The following SYCP2 variants were observed in gnomAD, a reference collection of about 807,000 sequenced individuals.
The protein encoded by SYCP2 is synaptonemal complex protein 2, also known as synaptonemal complex lateral element protein.
SYCP2 carries 55 observed loss-of-function variants against 211.3 expected under a neutral mutation model. That is an observed-to-expected ratio of 0.26 (90% CI 0.21 to 0.33). SYCP2 has a LOEUF of 0.33. SYCP2 is among the 10% of genes least tolerant of loss of function. The probability of loss-of-function intolerance (pLI) is 1.00; values close to 1 mark genes in which losing one functional copy is unlikely to be tolerated. For synonymous variants in SYCP2, 570 were observed against 555.2 expected (o/e 1.03, Z -0.37); for missense variants, 1,731 against 1,752.0 (o/e 0.99, Z 0.21).
At chr20:59,873,724 T>TCC (rs2059498511) in intron 35 of SYCP2, 132 bp downstream of exon 35, 3 of 648,338 alleles carry the variant, frequency 4.6e-6, no homozygotes, top group East Asian at 5.7e-5. Context: ...TATGTCCCTC[T>TCC]CCCCCAAGAC....
chr20:59,878,139 T>C (rs990529112), intron 31 of SYCP2, 94 bp from the exon 32 acceptor site: 148 of 894,614 alleles, frequency 1.7e-4, no homozygotes, highest in Middle Eastern at 6.5e-4. Flanking sequence ...TAAATTAAAA[T>C]AATAAAAAGT....
intron 25 of SYCP2, among the ~76,000 whole-genome samples, chr20:59,886,451 T>A (rs553796352): frequency 6.6e-6 from 1 of 152,162 alleles, no homozygotes; most frequent in South Asian, 2.1e-4. Context: ...TAAAGATTTT[T>A]AAAATGGTAT....
intron 2 of SYCP2, among the ~76,000 whole-genome samples, chr20:59,931,119 C>T (rs2060731621): frequency 6.6e-6 from 1 of 152,178 alleles, no homozygotes; most frequent in African/African-American, 2.4e-5. Context: ...AGGATTCAGT[C>T]ATAAAAATAA....
chr20:59,913,442 A>G (rs1363428393), intron 12 of SYCP2, among the ~76,000 whole-genome samples: 3 of 152,186 alleles, frequency 2.0e-5, no homozygotes, highest in African/African-American at 7.2e-5. Context: ...GGTGCTAGGC[A>G]TTGCAAATTC....
chr20:59,892,741 A>G, intron 22 of SYCP2, 40 bp from the exon 23 acceptor site: 1 of 1,572,296 alleles, frequency 6.4e-7, no homozygotes, highest in Non-Finnish European at 8.6e-7. Context: ...ACAAAACATT[A>G]GCCTGTGACT....
intron 20 of SYCP2, among the ~76,000 whole-genome samples, chr20:59,894,330 T>TA (rs1224362977): frequency 6.6e-6 from 1 of 152,004 alleles, no homozygotes; most frequent in Admixed American, 6.6e-5. Context: ...AGCACAATCC[T>TA]AGCTAGGATG....
chr20:59,922,423 AT>A lies in SYCP2; in HGVS notation c.-11del, dbSNP rs1235246636. Reference sequence around the variant, plus strand: ...CTGGTCTTATTGGCATTTTGACTTCATTTAAAAAAAAAAAAAAAGCAAGACA... The same window carrying A: ...CTGGTCTTATTGGCATTTTGACTTCATTAAAAAAAAAAAAAAAGCAAGACA... On this transcript the variant is annotated 5_prime_UTR_variant, in exon 3 of 45. The change creates a new upstream start codon in the 5' untranslated region. Coordinates refer to ENST00000357552, the MANE Select transcript of SYCP2 (RefSeq NM_014258.4). 10 of 1,544,674 alleles carry A rather than the reference AT, an allele frequency of 6.5e-6. No individual in the cohort carries two copies. The highest frequency in any genetic ancestry group is 4.6e-5 in the East Asian group (2 of 43,912).
chr20:59,930,240 CG>C (rs1343548556), intron 2 of SYCP2, among the ~76,000 whole-genome samples: 1 of 151,994 alleles, frequency 6.6e-6, no homozygotes, highest in East Asian at 1.9e-4. Flanking sequence ...GCTTACTTTA[CG>C]TATGTCCGAA....
Position 59,882,306 on chromosome 20 carries a change from C to G in SYCP2, c.2530-141G>C, listed in dbSNP as rs2059699515. The G allele has an allele frequency of 4.5e-6, 3 of 670,184 alleles. No homozygotes were observed. In the South Asian group the frequency reaches 5.7e-5, roughly 13 times the overall value. 41.5% of individuals were successfully genotyped at this position (670,184 alleles called of 1,614,324 possible). A position where few individuals can be genotyped will look rare whatever the true frequency, so the allele number is the denominator to read the frequency against. On this transcript the variant is annotated intron_variant, in intron 26 of 44. Coordinates refer to ENST00000357552, the MANE Select transcript of SYCP2 (RefSeq NM_014258.4). The stretch of plus-strand genomic sequence containing the variant: ...AAATGGCTTGTACCAAAAAGACAGG[C>G]AATAACAGATGCTAGTGAGGATGTG...
chr20:59,879,822 A>AT (rs2059634197), intron 31 of SYCP2, among the ~76,000 whole-genome samples: 5 of 51,118 alleles, frequency 9.8e-5, no homozygotes, highest in African/African-American at 6.4e-4. Flanking sequence ...AATATAAATA[A>AT]ATATATATAT....
Position 59,885,943 on chromosome 20 carries a change from A to G in SYCP2, c.2514T>C (p.Val838=), listed in dbSNP as rs2059779305. ...LINSGFSNKP[V]VQLSKEKVQK... is the part of the protein sequence containing the mutation. ...TAACACCTACCTTACTGAGTTGTAC[A>G]ACAGGTTTGTTTGAAAAACCACTGT... The change falls in exon 26 of 45, where the codon GTT becomes GTC. Residue 838 remains valine (V), a synonymous_variant. Coordinates refer to ENST00000357552, the MANE Select transcript of SYCP2 (RefSeq NM_014258.4). 2.5e-6 allele frequency: 4 copies of G among 1,600,150 alleles called. No homozygotes were observed. The highest frequency in any genetic ancestry group is 3.5e-5 in the Admixed American group (2 of 57,006).
intron 26 of SYCP2, among the ~76,000 whole-genome samples, chr20:59,884,524 TATTA>T (rs2059749076): frequency 6.6e-6 from 1 of 152,068 alleles, no homozygotes; most frequent in African/African-American, 2.4e-5. Context: ...AAACCTAAAA[TATTA>T]ATTTTATGTT....
At chr20:59,879,125 A>G (rs896730509) in intron 31 of SYCP2, among the ~76,000 whole-genome samples, 3 of 152,050 alleles carry the variant, frequency 2.0e-5, no homozygotes, top group African/African-American at 7.2e-5. Flanking sequence ...ACTAGACTGT[A>G]AGCTCCCTGA....
intron 2 of SYCP2, among the ~76,000 whole-genome samples, 153 bp downstream of exon 2, chr20:59,931,909 C>T (rs1401693840): frequency 6.6e-6 from 1 of 152,116 alleles, no homozygotes; most frequent in East Asian, 1.9e-4. Context: ...AAAGAGAAGG[C>T]TAACTCTAAA....
At chr20:59,891,415 AGAT>A (rs1203787148) in intron 24 of SYCP2, among the ~76,000 whole-genome samples, 3 of 151,860 alleles carry the variant, frequency 2.0e-5, no homozygotes, top group Admixed American at 6.6e-5. Context: ...TGTTCTCCAG[AGAT>A]GATTAATCTG....
At chr20:59,881,640 AAATAC>A (rs1174026779) in intron 28 of SYCP2, 148 bp from the exon 29 acceptor site, 1 of 510,788 alleles carries the variant, frequency 2.0e-6, no homozygotes, top group Non-Finnish European at 3.4e-6. Flanking sequence ...TTTGAAAAGA[AAATAC>A]AATACACTAA....
At chr20:59,908,378 C>T (rs1469299490) in intron 14 of SYCP2, among the ~76,000 whole-genome samples, 1 of 152,124 alleles carries the variant, frequency 6.6e-6, no homozygotes, top group Non-Finnish European at 1.5e-5. Flanking sequence ...TCTCCTATAC[C>T]TTAATTGAAA....
intron 30 of SYCP2, among the ~76,000 whole-genome samples, chr20:59,880,695 ATGT>A (rs1448693177): frequency 6.6e-6 from 1 of 151,788 alleles, no homozygotes; most frequent in African/African-American, 2.4e-5. Context: ...TTTGGTGTTG[ATGT>A]TGTTAATTCA....
chr20:59,924,024 A>C (rs1397009491), intron 2 of SYCP2, among the ~76,000 whole-genome samples: 1 of 151,962 alleles, frequency 6.6e-6, no homozygotes, highest in Admixed American at 6.6e-5. Context: ...AAAGGCACTC[A>C]ACAAAAAACA....
Sources: gnomAD v4.1 joint callset for allele counts (sites outside exome capture counted in the v4.1 genomes callset) on GRCh38, gnomAD v4.1.1 for gene constraint, MANE v1.5 for transcripts, NCBI Gene and HGNC (gene_info 2026-07-23, HGNC 2026-07-21) for gene names.